BMAL1: variants seen among roughly 807,000 people sequenced by gnomAD.
BMAL1 encodes the protein basic helix-loop-helix ARNT like 1.
At chr11:13,350,996 C>T in the BMAL1 span, among the ~76,000 whole-genome samples, 2 of 152,178 alleles carry the variant, frequency 1.3e-5, no homozygotes, top group African/African-American at 4.8e-5. Context: ...ACTAAGGGCA[C>T]AAGCAGTAAA....
At chr11:13,327,067 C>G in the BMAL1 span, among the ~76,000 whole-genome samples, 8 of 151,744 alleles carry the variant, frequency 5.3e-5, no homozygotes, top group East Asian at 4.0e-4. Flanking sequence ...TGATCCACCC[C>G]CCTCAGCCTC....
the BMAL1 span, among the ~76,000 whole-genome samples, chr11:13,280,551 C>T: frequency 8.5e-5 from 13 of 152,304 alleles, no homozygotes; most frequent in Admixed American, 3.9e-4. Context: ...GTTTCAGCCC[C>T]GTGATTACAT....
chr11:13,358,294 C>A, the BMAL1 span: 1 of 1,013,158 alleles, frequency 9.9e-7, no homozygotes, highest in East Asian at 2.9e-5. Flanking sequence ...GTTGAAAAGT[C>A]TAATTTTAAA....
chr11:13,365,916 TAC>T, the BMAL1 span, among the ~76,000 whole-genome samples: 1 of 152,184 alleles, frequency 6.6e-6, no homozygotes, highest in South Asian at 2.1e-4. Flanking sequence ...GTTAACACAA[TAC>T]CAGAGAATAC....
At chr11:13,279,665 GTCCATGTTTTGTT>G in the BMAL1 span, among the ~76,000 whole-genome samples, 1 of 152,136 alleles carries the variant, frequency 6.6e-6, no homozygotes, top group African/African-American at 2.4e-5. Context: ...CAGTCTTTCA[GTCCATGTTTTGTT>G]ACTCAGATCA....
chr11:13,310,507 G>A, the BMAL1 span, among the ~76,000 whole-genome samples: 1 of 152,192 alleles, frequency 6.6e-6, no homozygotes, highest in East Asian at 1.9e-4. Flanking sequence ...ATCTGCTGGC[G>A]TCTGATGATT....
At chr11:13,316,393 C>A in the BMAL1 span, among the ~76,000 whole-genome samples, 1 of 152,150 alleles carries the variant, frequency 6.6e-6, no homozygotes, top group African/African-American at 2.4e-5. Context: ...CCTGCTATAT[C>A]TCCCTCTCTC....
chr11:13,378,736 A>C, the BMAL1 span: 3 of 357,584 alleles, frequency 8.4e-6, no homozygotes, highest in South Asian at 6.4e-5. Context: ...CTAAACCAAA[A>C]TAGCCCAGCG....
the BMAL1 span, among the ~76,000 whole-genome samples, chr11:13,293,645 C>G: frequency 6.6e-6 from 1 of 152,256 alleles, no homozygotes; most frequent in Admixed American, 6.5e-5. Context: ...CTGCTCTCCA[C>G]TGGTCAAGGC....
chr11:13,385,901 G>C, the BMAL1 span: 4 of 823,264 alleles, frequency 4.9e-6, no homozygotes, highest in South Asian at 3.5e-5. Context: ...AGATAAATTT[G>C]ATAGGAACAG....
the BMAL1 span, among the ~76,000 whole-genome samples, chr11:13,373,791 G>A: frequency 2.6e-5 from 4 of 152,318 alleles, no homozygotes; most frequent in African/African-American, 7.2e-5. Flanking sequence ...TGACAGGCAT[G>A]AACCACCATG....
chr11:13,353,842 A>T, the BMAL1 span, among the ~76,000 whole-genome samples: 2 of 152,216 alleles, frequency 1.3e-5, no homozygotes, highest in African/African-American at 4.8e-5. Context: ...AATAAAAAAT[A>T]AAAATAAAAT....
the BMAL1 span, among the ~76,000 whole-genome samples, chr11:13,317,426 A>G: frequency 7.2e-5 from 11 of 152,280 alleles, no homozygotes; most frequent in African/African-American, 2.4e-4. Context: ...TGTCCAGTGG[A>G]TGTATGACCC....
At chr11:13,376,516 A>T in the BMAL1 span, 1 of 905,082 alleles carries the variant, frequency 1.1e-6, no homozygotes, top group Non-Finnish European at 1.8e-6. Flanking sequence ...ACCCACTCAG[A>T]CAGACACTTC....
At chr11:13,352,949 C>T in the BMAL1 span, among the ~76,000 whole-genome samples, 3 of 152,242 alleles carry the variant, frequency 2.0e-5, no homozygotes, top group East Asian at 1.9e-4. Flanking sequence ...CCTTGCAAGG[C>T]ACTTGTCAAG....
chr11:13,290,561 A>C, the BMAL1 span, among the ~76,000 whole-genome samples: 26 of 74,182 alleles, frequency 3.5e-4, 1 homozygote, highest in African/African-American at 1.4e-3. Context: ...AAGTGTATAT[A>C]TTATTATTAT....
At chr11:13,290,519 A>G in the BMAL1 span, among the ~76,000 whole-genome samples, 10 of 152,100 alleles carry the variant, frequency 6.6e-5, no homozygotes, top group East Asian at 1.9e-3. Flanking sequence ...CTGACTGGAG[A>G]TCTGCCAAAT....
chr11:13,374,733 C>G, the BMAL1 span, among the ~76,000 whole-genome samples: 1 of 152,220 alleles, frequency 6.6e-6, no homozygotes, highest in African/African-American at 2.4e-5. Context: ...CAGGGTTTCT[C>G]TGATCCCTCT....
At chr11:13,337,167 A>G in the BMAL1 span, among the ~76,000 whole-genome samples, 7 of 152,332 alleles carry the variant, frequency 4.6e-5, no homozygotes, top group Non-Finnish European at 8.8e-5. Context: ...TTATTATATA[A>G]ATAATTCATG....
Sources: allele counts gnomAD v4.1 joint callset (sites outside exome capture counted in the v4.1 genomes callset), GRCh38; gene constraint gnomAD v4.1.1; transcripts MANE v1.5; gene names NCBI Gene and HGNC (gene_info 2026-07-23, HGNC 2026-07-21).